CLASP2: variants seen among roughly 807,000 people sequenced by gnomAD.
The protein encoded by CLASP2 is CLIP-associating protein 2.
CLASP2 carries 47 observed loss-of-function variants against 194.4 expected under a neutral mutation model. The observed-to-expected ratio is 0.24, with a 90% CI of 0.19 to 0.31. The LOEUF is 0.31. CLASP2 is among the 10% of genes least tolerant of loss of function. The pLI is 1.00. For synonymous variants in CLASP2, 619 were observed against 633.5 expected (o/e 0.98, Z 0.34); for missense variants, 1,445 against 1,823.6 (o/e 0.79, Z 3.78).
intron 35 of CLASP2, 74 bp from the exon 36 acceptor site, chr3:33,516,225 T>C (rs2051270571): frequency 7.2e-7 from 1 of 1,394,630 alleles, no homozygotes; most frequent in South Asian, 1.5e-5. Context: ...TTTTTGTAAC[T>C]TAAGGGTCTT....
At chr3:33,594,752 C>T (rs985683352) in intron 20 of CLASP2, among the ~76,000 whole-genome samples, 199 bp downstream of exon 20, 7 of 148,340 alleles carry the variant, frequency 4.7e-5, no homozygotes, top group Non-Finnish European at 1.0e-4. Context: ...ACAAAGCAAA[C>T]CAGCAGGATG....
chr3:33,627,133 A>AAAATT, intron 9 of CLASP2, 53 bp from the exon 10 acceptor site: 1 of 997,884 alleles, frequency 1.0e-6, no homozygotes, highest in South Asian at 1.4e-5. Flanking sequence ...GAACAATATC[A>AAAATT]AAATTATGCC....
At chr3:33,558,067 C>A (rs1248168638) in intron 29 of CLASP2, among the ~76,000 whole-genome samples, 1 of 152,230 alleles carries the variant, frequency 6.6e-6, no homozygotes, top group Admixed American at 6.5e-5. Context: ...TTTACTTCTT[C>A]CTCTACTCTG....
intron 25 of CLASP2, among the ~76,000 whole-genome samples, chr3:33,571,631 T>C (rs1464692067): frequency 6.8e-6 from 1 of 148,078 alleles, no homozygotes; most frequent in Admixed American, 6.7e-5. Context: ...TTAGACTCTG[T>C]CTCAAAAAAA....
intron 12 of CLASP2, among the ~76,000 whole-genome samples, chr3:33,619,126 T>C (rs2076697491): frequency 6.6e-6 from 1 of 152,180 alleles, no homozygotes; most frequent in Non-Finnish European, 1.5e-5. Context: ...ATAGTAAGTA[T>C]TGTGTATCGG....
chr3:33,559,257 A>G lies in CLASP2; in HGVS notation c.3009+50T>C, dbSNP rs927632298. 10 of 1,082,666 alleles carry G rather than the reference A, an allele frequency of 9.2e-6. No homozygotes were observed. The Admixed American group carries it at 2.1e-4, about 22-fold the overall frequency. 67.1% of individuals were successfully genotyped at this position (1,082,666 alleles called of 1,614,324 possible). On this transcript the variant is annotated intron_variant, in intron 29 of 38. Coordinates refer to ENST00000682230, the MANE Select transcript of CLASP2 (RefSeq NM_001365631.1). ...TACAAATATCAACATAACTTTATTAATAAATACTTCAATTCTTTATAATGT... is the reference window on the plus strand; with the variant it reads ...TACAAATATCAACATAACTTTATTAGTAAATACTTCAATTCTTTATAATGT...
rs770664467 is a variant in CLASP2 at position 33,663,430 on chromosome 3, C to T, written c.715+15G>A. 51 of 1,603,544 alleles carry T rather than the reference C, an allele frequency of 3.2e-5. No homozygotes were observed. In the Admixed American group the frequency reaches 8.4e-4, roughly 27 times the overall value. Reference sequence around the variant, plus strand: ...AAATAGTCTTAGAAATGTTTGAGAGCTTAATTACTCTTACCTTTGCAGACA... The same window carrying T: ...AAATAGTCTTAGAAATGTTTGAGAGTTTAATTACTCTTACCTTTGCAGACA... On this transcript the variant is annotated intron_variant, in intron 7 of 38. Transcript: ENST00000682230.
At chr3:33,543,604 G>A (rs1185796149) in intron 31 of CLASP2, 65 bp from the exon 32 acceptor site, 8 of 940,274 alleles carry the variant, frequency 8.5e-6, no homozygotes, top group Admixed American at 7.1e-5. Flanking sequence ...AAACTCTTAA[G>A]GAAGCCACAC....
chr3:33,684,439 T>G lies in CLASP2; in HGVS notation c.564A>C (p.Ile188=), dbSNP rs1418546147. 1 of 1,598,900 alleles carries G rather than the reference T, an allele frequency of 6.3e-7. No homozygotes were observed. Among genetic ancestry groups the G allele is most frequent in the Admixed American group, 1.7e-5 (1 of 58,898 alleles). The change falls in exon 6 of 39, where the codon ATA becomes ATC. Residue 188 remains isoleucine (I), a synonymous_variant. Coordinates refer to ENST00000682230, the MANE Select transcript of CLASP2 (RefSeq NM_001365631.1). ...GTCTATAAATCTCCACTATAGCCAA[T>G]ATTGCAGCATCTCTCACCTGTCAAA... ...DSNSQVRDAA[I]LAIVEIYRHV...
In CLASP2 at chr3:33,620,997, TTGTGTGTGTGTGTG is replaced by T. The variant is rs60682503; in HGVS notation, c.1181+1124_1181+1137del. 4.5e-3 allele frequency among the ~76,000 whole-genome samples: 637 copies of T among 142,650 alleles called. 4 individuals are homozygous for T. Among genetic ancestry groups the T allele is most frequent in the East Asian group, 0.033 (156 of 4,794 alleles). The allele number at this position is 142,650 out of a possible 152,430, so 93.6% of individuals were successfully genotyped here. On this transcript the variant is annotated intron_variant, in intron 11 of 38. Coordinates refer to ENST00000682230, the MANE Select transcript of CLASP2 (RefSeq NM_001365631.1). ...CCCATATTATGATCTCTGTAGCTCT[TTGTGTGTGTGTGTG>T]TGTGTGTGTGTGTGTGTGTGTGTGT...
At chr3:33,547,097 G>A (rs900140195) in intron 30 of CLASP2, among the ~76,000 whole-genome samples, 1 of 152,126 alleles carries the variant, frequency 6.6e-6, no homozygotes, top group South Asian at 2.1e-4. Context: ...ACATTCCTGG[G>A]ATAAATCCCT....
chr3:33,584,283 T>G (rs1224050874), intron 22 of CLASP2, among the ~76,000 whole-genome samples: 43 of 101,798 alleles, frequency 4.2e-4, no homozygotes, highest in Non-Finnish European at 7.0e-4. Flanking sequence ...TTGTTTTGGG[T>G]TTTTTTTTTT....
chr3:33,557,875 A>G (rs565680776), intron 29 of CLASP2, among the ~76,000 whole-genome samples: 1 of 152,352 alleles, frequency 6.6e-6, no homozygotes, highest in South Asian at 2.1e-4. Flanking sequence ...AAGCTTGGGA[A>G]CTCAGTCATT....
chr3:33,638,253 C>T (rs536874453), intron 8 of CLASP2, among the ~76,000 whole-genome samples: 2 of 152,028 alleles, frequency 1.3e-5, no homozygotes, highest in East Asian at 1.9e-4. Context: ...TAAAACTCTC[C>T]GTTGTTTGAT....
intron 1 of CLASP2, among the ~76,000 whole-genome samples, chr3:33,704,263 A>G (rs1016670813): frequency 9.9e-5 from 15 of 152,228 alleles, no homozygotes; most frequent in African/African-American, 2.4e-4. Context: ...CTCATCAATT[A>G]TAACAAGTGT....
In CLASP2 at chr3:33,568,553, C is replaced by CAAAAA. The variant is rs568821764; in HGVS notation, c.2764-1824_2764-1820dup. Among the ~76,000 whole-genome samples the CAAAAA allele has an allele frequency of 3.9e-4, 22 of 56,826 alleles. 1 individual carries two copies. Among genetic ancestry groups the CAAAAA allele is most frequent in the East Asian group, 2.7e-3 (4 of 1,508 alleles). 37.3% of individuals were successfully genotyped at this position (56,826 alleles called of 152,430 possible). On this transcript the variant is annotated intron_variant, in intron 26 of 38. Coordinates refer to ENST00000682230, the MANE Select transcript of CLASP2 (RefSeq NM_001365631.1). ...TGGGTGACAGAAAGAGATCTTGTCTCAAAAAAAAAAAAAAAAAAAAAATTA... is the reference window on the plus strand; with the variant it reads ...TGGGTGACAGAAAGAGATCTTGTCTCAAAAAAAAAAAAAAAAAAAAAAAAAAATTA...
intron 5 of CLASP2, 139 bp from the exon 6 acceptor site, chr3:33,684,595 A>G (rs1416257865): frequency 2.2e-6 from 1 of 445,738 alleles, no homozygotes; most frequent in Non-Finnish European, 3.9e-6. Context: ...GCTTGTCATC[A>G]GTAAAAAAAC....
chr3:33,707,581 C>A (rs966654374), intron 1 of CLASP2, among the ~76,000 whole-genome samples: 2 of 152,200 alleles, frequency 1.3e-5, no homozygotes, highest in East Asian at 1.9e-4. Context: ...CACACACACA[C>A]AAAAAAGAGA....
rs1559731689 is a variant in CLASP2, at chr3:33,498,576, G to A, written c.*55C>T. On this transcript the variant is annotated 3_prime_UTR_variant, in exon 39 of 39. Coordinates refer to ENST00000682230, the MANE Select transcript of CLASP2 (RefSeq NM_001365631.1). ...TTTGAGAACTTCCTTTCATTGATGA[G>A]GGTGGTCTATCTGTCCTTTCTTTTG... is the stretch of plus-strand genomic sequence containing the variant. 2.8e-6 allele frequency: 3 copies of A among 1,072,862 alleles called. No individual in the cohort carries two copies. Among genetic ancestry groups the A allele is most frequent in the African/African-American group, 1.6e-5 (1 of 63,760 alleles). 66.5% of individuals were successfully genotyped at this position (1,072,862 alleles called of 1,614,324 possible).
Sources: allele counts gnomAD v4.1 joint callset (sites outside exome capture counted in the v4.1 genomes callset), GRCh38; gene constraint gnomAD v4.1.1; transcripts MANE v1.5; gene names NCBI Gene and HGNC (gene_info 2026-07-23, HGNC 2026-07-21).